The following AUTS2 variants were observed in gnomAD, a reference collection of about 807,000 sequenced individuals.
The protein encoded by AUTS2 is autism susceptibility gene 2 protein.
Under a neutral mutation model 112.4 loss-of-function variants are expected in AUTS2, and 17 were observed. That is an observed-to-expected ratio of 0.15 (90% confidence interval 0.10 to 0.23). AUTS2 has a LOEUF of 0.23. Ranked by LOEUF, AUTS2 falls within the 10% of genes least tolerant of loss-of-function variation. AUTS2 has a pLI of 1.00. For synonymous variants in AUTS2, 751 were observed against 702.7 expected (o/e 1.07, Z -1.09); for missense variants, 1,510 against 1,701.6 (o/e 0.89, Z 1.98).
chr7:70,542,477 T>C (rs1800591977), intron 5 of AUTS2, among the ~76,000 whole-genome samples: 1 of 152,160 alleles, frequency 6.6e-6, no homozygotes, highest in Non-Finnish European at 1.5e-5. Flanking sequence ...CTGCATCCAA[T>C]GTAGGAGGCA....
intron 1 of AUTS2, among the ~76,000 whole-genome samples, chr7:69,664,402 A>G (rs577125784): frequency 2.6e-5 from 4 of 152,346 alleles, no homozygotes; most frequent in African/African-American, 9.6e-5. Context: ...CATTAAACCA[A>G]TAAGGCTGGC....
At chr7:70,084,741 C>T (rs1480156339) in intron 2 of AUTS2, among the ~76,000 whole-genome samples, 1 of 151,922 alleles carries the variant, frequency 6.6e-6, no homozygotes, top group African/African-American at 2.4e-5. Flanking sequence ...TCTTGAGTGT[C>T]GAGTTCTTTA....
intron 5 of AUTS2, among the ~76,000 whole-genome samples, chr7:70,467,504 C>A (rs1375782549): frequency 6.6e-6 from 1 of 152,118 alleles, no homozygotes; most frequent in Admixed American, 6.5e-5. Context: ...GAAACAGATG[C>A]CATATTGGAG....
At chr7:69,682,290 A>G (rs1280018024) in intron 1 of AUTS2, among the ~76,000 whole-genome samples, 2 of 152,200 alleles carry the variant, frequency 1.3e-5, no homozygotes, top group East Asian at 3.9e-4. Flanking sequence ...TATGCTTTAT[A>G]TGGCTGGGAT....
intron 4 of AUTS2, among the ~76,000 whole-genome samples, chr7:70,331,495 A>T (rs1245414403): frequency 1.3e-5 from 2 of 150,602 alleles, no homozygotes; most frequent in Non-Finnish European, 3.0e-5. Flanking sequence ...TTTTCAAAAA[A>T]ACTAGCTCCT....
At chr7:69,996,966 C>CAAAAAAAAAAAAAAAAAAAA (rs1798974779) in intron 2 of AUTS2, among the ~76,000 whole-genome samples, 6 of 83,656 alleles carry the variant, frequency 7.2e-5, no homozygotes, top group South Asian at 3.8e-4. Flanking sequence ...AAAAAAAAAG[C>CAAAAAAAAAAAAAAAAAAAA]AAACTCCAGG....
At chr7:70,296,518 C>T (rs989681837) in intron 4 of AUTS2, among the ~76,000 whole-genome samples, 2 of 152,120 alleles carry the variant, frequency 1.3e-5, no homozygotes, top group South Asian at 2.1e-4. Flanking sequence ...TGTGTCCTGC[C>T]TTTTTCCCTT....
rs1236946111 is a variant in AUTS2, at chr7:70,700,842, C to T, written c.742+2222C>T. ...GACAAGGCCTTCAAGGAACTGTCAG[C>T]TTCATGCACATCAAGTTCAAGTTTT... On this transcript the variant is annotated intron_variant, in intron 6 of 18. Transcript: ENST00000342771. Among the ~76,000 whole-genome samples the T allele has an allele frequency of 2.6e-5, 4 of 152,314 alleles. No homozygotes were observed. In the East Asian group the frequency reaches 7.7e-4, roughly 29 times the overall value.
At chr7:69,636,204 A>G (rs923006470) in intron 1 of AUTS2, among the ~76,000 whole-genome samples, 1 of 152,266 alleles carries the variant, frequency 6.6e-6, no homozygotes, top group Admixed American at 6.5e-5. Context: ...GAAGACATAG[A>G]TAAGCAAGGA....
chr7:70,460,852 C>T (rs1011289622), intron 5 of AUTS2, among the ~76,000 whole-genome samples: 1 of 152,130 alleles, frequency 6.6e-6, no homozygotes, highest in Admixed American at 6.5e-5. Context: ...TGCATGGTGC[C>T]TTGCTGGTGC....
chr7:69,676,274 T>G (rs1057163289), intron 1 of AUTS2, among the ~76,000 whole-genome samples: 3 of 152,220 alleles, frequency 2.0e-5, no homozygotes, highest in Non-Finnish European at 4.4e-5. Context: ...GCCCTGAGAC[T>G]ACCTAGGGTG....
intron 4 of AUTS2, among the ~76,000 whole-genome samples, chr7:70,160,874 A>C (rs1281994365): frequency 6.6e-6 from 1 of 152,176 alleles, no homozygotes; most frequent in Admixed American, 6.5e-5. Context: ...TGTGATTTGC[A>C]ATAATCTTGT....
chr7:69,845,807 C>T (rs996244580), intron 1 of AUTS2, among the ~76,000 whole-genome samples: 3 of 152,164 alleles, frequency 2.0e-5, no homozygotes, highest in Non-Finnish European at 4.4e-5. Context: ...CTTTCCTCTT[C>T]TCTGTTTTCC....
At chr7:69,824,629 A>G (rs2129526741) in intron 1 of AUTS2, 1 of 152,046 alleles carries the variant, frequency 6.6e-6, no homozygotes, top group South Asian at 2.1e-4. Context: ...TTGCCATACA[A>G]GCCACTGGAG....
At chr7:70,285,408 ACAGTGG>A (rs2129611137) in intron 4 of AUTS2, among the ~76,000 whole-genome samples, 1 of 152,320 alleles carries the variant, frequency 6.6e-6, no homozygotes, top group African/African-American at 2.4e-5. Flanking sequence ...ACAGTGTTGT[ACAGTGG>A]AAACCCATTT....
intron 5 of AUTS2, among the ~76,000 whole-genome samples, chr7:70,583,168 T>A (rs1311767726): frequency 6.6e-6 from 1 of 152,204 alleles, no homozygotes; most frequent in Admixed American, 6.5e-5. Context: ...ACAGGAAGCT[T>A]AGGCGGAGGG....
intron 5 of AUTS2, among the ~76,000 whole-genome samples, chr7:70,484,170 T>C (rs971485049): frequency 6.6e-6 from 1 of 152,234 alleles, no homozygotes; most frequent in African/African-American, 2.4e-5. Context: ...TTTTATGACA[T>C]TGATTAAACA....
At chr7:70,769,269 C>T (rs926734506) in intron 10 of AUTS2, among the ~76,000 whole-genome samples, 2 of 152,208 alleles carry the variant, frequency 1.3e-5, no homozygotes, top group African/African-American at 2.4e-5. Context: ...AATACAAAAA[C>T]ATATTTCACG....
At chr7:69,671,122 G>T (rs1562799743) in intron 1 of AUTS2, among the ~76,000 whole-genome samples, 1 of 152,194 alleles carries the variant, frequency 6.6e-6, no homozygotes, top group Non-Finnish European at 1.5e-5. Flanking sequence ...TTAAACTCTA[G>T]AGTATAACTA....
Sources: gnomAD v4.1 joint callset for allele counts (sites outside exome capture counted in the v4.1 genomes callset) on GRCh38, gnomAD v4.1.1 for gene constraint, MANE v1.5 for transcripts, NCBI Gene and HGNC (gene_info 2026-07-23, HGNC 2026-07-21) for gene names.